Variants in PATJ observed in about 807,000 individuals in gnomAD.
The protein encoded by PATJ is PATJ crumbs cell polarity complex component, also known as inaD-like protein.
A neutral mutation model predicts 224.9 loss-of-function variants in PATJ; 190 were observed. The observed-to-expected ratio is 0.84, with a 90% CI of 0.75 to 0.95. PATJ has a LOEUF of 0.95. Among genes scored for constraint, PATJ ranks in the 40% least tolerant of loss-of-function variants. PATJ has a pLI of 0.00. For synonymous variants in PATJ, 769 were observed against 820.3 expected (o/e 0.94, Z 1.07); for missense variants, 2,121 against 2,270.3 (o/e 0.93, Z 1.34).
intron 41 of PATJ, among the ~76,000 whole-genome samples, chr1:62,144,783 T>A (rs1163829620): frequency 1.2e-4 from 17 of 143,582 alleles, no homozygotes; most frequent in African/African-American, 3.6e-4. Context: ...AAAAAATATA[T>A]ATATATATAT....
At chr1:61,929,185 C>T (rs2149294427) in intron 27 of PATJ, among the ~76,000 whole-genome samples, 1 of 152,278 alleles carries the variant, frequency 6.6e-6, no homozygotes, top group Admixed American at 6.5e-5. Flanking sequence ...ATGTCAGCTG[C>T]CACGGAATGG....
chr1:61,951,119 T>C (rs1679595557), intron 27 of PATJ, among the ~76,000 whole-genome samples: 1 of 150,908 alleles, frequency 6.6e-6, no homozygotes, highest in Non-Finnish European at 1.5e-5. Context: ...CACTTCAGCC[T>C]GGGCAACAGA....
rs1358789212 is a variant in PATJ at position 61,742,497 on chromosome 1, G to T, written c.-94G>T. The T allele has an allele frequency of 6.6e-6, 1 of 152,326 alleles. No individual in the cohort carries two copies. Among genetic ancestry groups the T allele is most frequent in the Non-Finnish European group, 1.5e-5 (1 of 68,202 alleles). 9.4% of individuals were successfully genotyped at this position (152,326 alleles called of 1,614,324 possible). A position where few individuals can be genotyped will look rare whatever the true frequency, so the allele number is the denominator to read the frequency against. ...GGCCTCTCACTTCCGCCCAGGTGAGGCAGGGCCGACACCGAGCCCGCCCGA... is the reference window on the plus strand; with the variant it reads ...GGCCTCTCACTTCCGCCCAGGTGAGTCAGGGCCGACACCGAGCCCGCCCGA... On this transcript the variant is annotated 5_prime_UTR_variant, in exon 1 of 44. Transcript: ENST00000642238.
intron 28 of PATJ, among the ~76,000 whole-genome samples, chr1:61,997,712 A>C (rs1645449453): frequency 6.6e-6 from 1 of 151,900 alleles, no homozygotes; most frequent in Non-Finnish European, 1.5e-5. Context: ...GTACTAGTTT[A>C]AAACACCCAA....
intron 9 of PATJ, among the ~76,000 whole-genome samples, chr1:61,794,612 T>C (rs746149287): frequency 2.0e-5 from 3 of 152,146 alleles, no homozygotes; most frequent in Non-Finnish European, 4.4e-5. Flanking sequence ...TTTCAATGTT[T>C]TATTTTATAA....
chr1:62,008,962 A>G (rs1646265680), intron 28 of PATJ, among the ~76,000 whole-genome samples: 1 of 152,200 alleles, frequency 6.6e-6, no homozygotes, highest in South Asian at 2.1e-4. Context: ...AGATAAAGAC[A>G]TGTCTACATA....
At chr1:61,759,855 TAGC>T (rs1450910250) in intron 1 of PATJ, among the ~76,000 whole-genome samples, 1 of 152,248 alleles carries the variant, frequency 6.6e-6, no homozygotes, top group East Asian at 1.9e-4. Context: ...TAGGACAACT[TAGC>T]AGTGTCAGTA....
chr1:61,911,586 G>A (rs1672647217), intron 25 of PATJ, among the ~76,000 whole-genome samples: 1 of 151,696 alleles, frequency 6.6e-6, no homozygotes, highest in African/African-American at 2.4e-5. Flanking sequence ...GGATGTACTT[G>A]GCAAATACTT....
chr1:61,799,057 T>A (rs188912839), intron 11 of PATJ, among the ~76,000 whole-genome samples: 1 of 152,322 alleles, frequency 6.6e-6, no homozygotes, highest in African/African-American at 2.4e-5. Flanking sequence ...GAACTTTTTC[T>A]CTTTTATGTG....
chr1:61,887,035 AT>A (rs201403281), intron 22 of PATJ, among the ~76,000 whole-genome samples: 5,729 of 151,554 alleles, frequency 0.038, 151 homozygotes, highest in East Asian at 0.097. Flanking sequence ...TATCAAGGCA[AT>A]GGGAAAATAT....
At chr1:61,944,469 G>A (rs11485616) in intron 27 of PATJ, among the ~76,000 whole-genome samples, 6,581 of 152,120 alleles carry the variant, frequency 0.043, 532 homozygotes, top group African/African-American at 0.15. Flanking sequence ...TGGAAGAAAG[G>A]GTATCAGTGA....
At chr1:62,138,985 T>C (rs1326384822) in intron 41 of PATJ, among the ~76,000 whole-genome samples, 2 of 152,014 alleles carry the variant, frequency 1.3e-5, no homozygotes, top group African/African-American at 4.8e-5. Flanking sequence ...TAGATGACAT[T>C]GGCTGCAAGC....
chr1:61,887,063 A>C (rs556660648), intron 22 of PATJ, among the ~76,000 whole-genome samples: 3 of 151,998 alleles, frequency 2.0e-5, no homozygotes, highest in Non-Finnish European at 4.4e-5. Context: ...GTGTATATAT[A>C]TAATGTATAT....
chr1:62,056,610 G>A lies in PATJ; in HGVS notation c.4125+5552G>A, dbSNP rs149237188. 3.9e-3 allele frequency among the ~76,000 whole-genome samples: 596 copies of A among 152,124 alleles called. 5 individuals carry two copies. Among genetic ancestry groups the A allele is most frequent in the African/African-American group, 0.011 (463 of 41,514 alleles). On this transcript the variant is annotated intron_variant, in intron 31 of 43. Coordinates refer to ENST00000642238, the MANE Select transcript of PATJ (RefSeq NM_001350145.3). ...AACCTGGCCAACATGGCGAAACCCC[G>A]TTCCTATTAAAAATACAAAAATTGG... is the stretch of plus-strand genomic sequence containing the variant.
intron 27 of PATJ, among the ~76,000 whole-genome samples, chr1:61,961,302 A>G (rs1681248129): frequency 6.6e-6 from 1 of 152,154 alleles, no homozygotes; most frequent in Non-Finnish European, 1.5e-5. Context: ...ACAACCAATC[A>G]TGGTTGACTG....
intron 17 of PATJ, among the ~76,000 whole-genome samples, chr1:61,834,234 C>T (rs776268209): frequency 2.6e-5 from 4 of 152,278 alleles, no homozygotes; most frequent in South Asian, 2.1e-4. Flanking sequence ...CATTAGCATT[C>T]GTTCCCAATT....
At chr1:61,871,479 ATATGTG>A (rs1393542773) in intron 20 of PATJ, among the ~76,000 whole-genome samples, 18 of 50,924 alleles carry the variant, frequency 3.5e-4, no homozygotes, top group African/African-American at 1.4e-3. Flanking sequence ...ATATACATAT[ATATGTG>A]TATATATGTA....
rs2482871 is a variant in PATJ at position 61,947,222 on chromosome 1, A to G, written c.3670+19393A>G. Among the ~76,000 whole-genome samples, 533 of 152,308 alleles carry G rather than the reference A, an allele frequency of 3.5e-3. 3 individuals carry two copies. The highest frequency in any genetic ancestry group is 0.012 in the African/African-American group (502 of 41,554). On this transcript the variant is annotated intron_variant, in intron 27 of 43. Coordinates refer to ENST00000642238, the MANE Select transcript of PATJ (RefSeq NM_001350145.3). ...AGTGTTAGAAGTTCTGGCCAGGGCA[A>G]TCAGGCAGGAGAAAGAAATAAAGCA...
At chr1:62,010,499 T>A (rs949379421) in intron 28 of PATJ, among the ~76,000 whole-genome samples, 1 of 141,026 alleles carries the variant, frequency 7.1e-6, no homozygotes, top group Non-Finnish European at 1.6e-5. Context: ...TGAAATCTAC[T>A]TTTTTAGCTC....
Sources: gnomAD v4.1 joint callset for allele counts (sites outside exome capture counted in the v4.1 genomes callset) on GRCh38, gnomAD v4.1.1 for gene constraint, MANE v1.5 for transcripts, NCBI Gene and HGNC (gene_info 2026-07-23, HGNC 2026-07-21) for gene names.